Variants in NCAM1 observed in about 807,000 individuals in gnomAD.
NCAM1 encodes the protein antigen recognized by monoclonal antibody 5.1H11.
A neutral mutation model predicts 109.8 loss-of-function variants in NCAM1; 14 were observed. The ratio of observed to expected loss-of-function variants is 0.13; its 90% CI spans 0.08 to 0.20. The LOEUF is 0.20. NCAM1 is among the 10% of genes least tolerant of loss of function. NCAM1 has a pLI of 1.00. For missense variants in NCAM1, 774 were observed against 1,109.9 expected (o/e 0.70, Z 4.30); for synonymous variants, 418 against 442.9 (o/e 0.94, Z 0.70).
intron 14 of NCAM1, chr11:113,242,748 T>G (rs1945369376): frequency 2.0e-6 from 3 of 1,489,944 alleles, no homozygotes; most frequent in Non-Finnish European, 2.8e-6. Flanking sequence ...GAGTTTAATT[T>G]ATCTCCATTC....
At chr11:112,985,921 G>C (rs1436367930) in intron 1 of NCAM1, among the ~76,000 whole-genome samples, 1 of 151,716 alleles carries the variant, frequency 6.6e-6, no homozygotes, top group Non-Finnish European at 1.5e-5. Flanking sequence ...TTGTCTAATT[G>C]CTCTGGCTAG....
At chr11:113,142,092 G>T (rs1941851320) in intron 1 of NCAM1, among the ~76,000 whole-genome samples, 1 of 152,158 alleles carries the variant, frequency 6.6e-6, no homozygotes, top group Non-Finnish European at 1.5e-5. Context: ...GATTCTAGTG[G>T]TAACTGTGAC....
At chr11:112,961,825 C>T (rs535954542) in intron 1 of NCAM1, among the ~76,000 whole-genome samples, 161 bp downstream of exon 1, 1 of 152,154 alleles carries the variant, frequency 6.6e-6, no homozygotes, top group Non-Finnish European at 1.5e-5. Flanking sequence ...GCTGCCCAGC[C>T]GAACCCCGCT....
intron 1 of NCAM1, among the ~76,000 whole-genome samples, chr11:113,154,517 G>C (rs1555103124): frequency 1.3e-5 from 2 of 152,050 alleles, no homozygotes; most frequent in African/African-American, 4.8e-5. Context: ...ATGAGATAGT[G>C]CATTACAAAA....
intron 1 of NCAM1, among the ~76,000 whole-genome samples, chr11:113,185,079 T>TATATATATATATATAGAGAGAGAG: frequency 1.8e-3 from 227 of 125,638 alleles, no homozygotes; most frequent in Non-Finnish European, 2.2e-3. Flanking sequence ...TATATATATA[T>TATATATATATATATAGAGAGAGAG]AGAGAGAGAG....
intron 1 of NCAM1, among the ~76,000 whole-genome samples, chr11:113,082,738 T>G (rs1938891624): frequency 6.6e-6 from 1 of 152,212 alleles, no homozygotes; most frequent in African/African-American, 2.4e-5. Flanking sequence ...TGTCGGTCCC[T>G]CAGACCTGGC....
intron 1 of NCAM1, among the ~76,000 whole-genome samples, chr11:113,058,209 G>T (rs1320109798): frequency 6.7e-6 from 1 of 149,510 alleles, no homozygotes; most frequent in Non-Finnish European, 1.5e-5. Flanking sequence ...ACTTGAATCT[G>T]GGAGGTGGAG....
intron 1 of NCAM1, among the ~76,000 whole-genome samples, chr11:113,078,770 CTT>C (rs1263722167): frequency 1.3e-5 from 2 of 152,178 alleles, no homozygotes; most frequent in Non-Finnish European, 2.9e-5. Flanking sequence ...TCACAGCTGA[CTT>C]GAGCCCGGTT....
rs1045337014 is a variant in NCAM1 at position 113,278,178 on chromosome 11, A to G, written c.*2791A>G. On this transcript the variant is annotated 3_prime_UTR_variant, in exon 20 of 20. Coordinates refer to ENST00000316851, the MANE Select transcript of NCAM1 (RefSeq NM_181351.5). ...TGGAACTCTATTTTCACACTTTTCT[A>G]TGGAGCCTTCCGAGTCCCAGGTTTT... 1 of 152,132 alleles carries G rather than the reference A, an allele frequency of 6.6e-6. No homozygotes were observed. The highest frequency in any genetic ancestry group is 1.5e-5 in the Non-Finnish European group (1 of 68,040). The allele number at this position is 152,132 out of a possible 1,614,324, so 9.4% of individuals were successfully genotyped here.
intron 16 of NCAM1, among the ~76,000 whole-genome samples, chr11:113,259,044 G>T (rs1031966254): frequency 8.0e-5 from 12 of 149,256 alleles, no homozygotes; most frequent in Non-Finnish European, 1.6e-4. Flanking sequence ...AACAAAAATA[G>T]TTTTCATTTT....
chr11:113,108,722 T>C (rs1469531929), intron 1 of NCAM1, among the ~76,000 whole-genome samples: 1 of 151,972 alleles, frequency 6.6e-6, no homozygotes, highest in Non-Finnish European at 1.5e-5. Flanking sequence ...ATTTTTTTAA[T>C]GGGGTAGGGT....
chr11:113,036,412 C>T (rs1440533965), intron 1 of NCAM1, among the ~76,000 whole-genome samples: 1 of 152,010 alleles, frequency 6.6e-6, no homozygotes, highest in Non-Finnish European at 1.5e-5. Context: ...CCTCTGCTCT[C>T]CTCTAGGGTG....
chr11:113,002,409 A>C (rs1375300780), intron 1 of NCAM1, among the ~76,000 whole-genome samples: 8 of 152,348 alleles, frequency 5.3e-5, no homozygotes, highest in African/African-American at 1.9e-4. Flanking sequence ...ATTAGGTTGA[A>C]TTGAGAACAG....
chr11:113,165,401 T>G (rs1429532269), intron 1 of NCAM1, among the ~76,000 whole-genome samples: 4 of 152,162 alleles, frequency 2.6e-5, no homozygotes, highest in African/African-American at 9.7e-5. Flanking sequence ...GTAGACTCAC[T>G]TAGTCTGTTT....
At chr11:113,077,168 A>C (rs1009411516) in intron 1 of NCAM1, among the ~76,000 whole-genome samples, 2 of 152,238 alleles carry the variant, frequency 1.3e-5, no homozygotes, top group South Asian at 4.1e-4. Context: ...CAGAATTGTC[A>C]GCAAACAATG....
chr11:112,997,847 A>G (rs565675345), intron 1 of NCAM1, among the ~76,000 whole-genome samples: 23 of 152,338 alleles, frequency 1.5e-4, no homozygotes, highest in Non-Finnish European at 3.1e-4. Flanking sequence ...ATTCTGTTTC[A>G]AAGAGTATAG....
At chr11:113,166,977 A>C (rs1261068403) in intron 1 of NCAM1, among the ~76,000 whole-genome samples, 3 of 152,226 alleles carry the variant, frequency 2.0e-5, no homozygotes, top group African/African-American at 7.2e-5. Flanking sequence ...TAAGTCAGCA[A>C]AAATTTGATT....
Position 113,263,600 on chromosome 11 carries a change from C to T in NCAM1, c.2131+3277C>T, listed in dbSNP as rs187929757. ...CTCGTATTACGGCCAGCACCTTACA[C>T]TGTCTCTGTGAACGGGGCCAAGCCA... On this transcript the variant is annotated intron_variant, in intron 17 of 19. Coordinates refer to ENST00000316851, the MANE Select transcript of NCAM1 (RefSeq NM_181351.5). 1.5e-5 allele frequency: 15 copies of T among 985,546 alleles called. No homozygotes were observed. In the East Asian group the frequency reaches 1.4e-3, roughly 89 times the overall value. The allele number at this position is 985,546 out of a possible 1,614,324, so 61.1% of individuals were successfully genotyped here.
At chr11:113,080,967 T>G (rs1395785258) in intron 1 of NCAM1, among the ~76,000 whole-genome samples, 1 of 152,232 alleles carries the variant, frequency 6.6e-6, no homozygotes, top group Non-Finnish European at 1.5e-5. Flanking sequence ...GTTGCTTATT[T>G]TCTTTTTAAT....
Sources: allele counts gnomAD v4.1 joint callset (sites outside exome capture counted in the v4.1 genomes callset), GRCh38; gene constraint gnomAD v4.1.1; transcripts MANE v1.5; gene names NCBI Gene and HGNC (gene_info 2026-07-23, HGNC 2026-07-21).